SCN9A: variants seen among roughly 807,000 people sequenced by gnomAD.
SCN9A encodes sodium voltage-gated channel alpha subunit 9.
In SCN9A, 131 loss-of-function variants were observed where a neutral mutation model predicts 187.0. That is an observed-to-expected ratio of 0.70 (90% confidence interval 0.61 to 0.81). The LOEUF (loss-of-function observed/expected upper bound fraction) is 0.81. Among genes scored for constraint, SCN9A ranks in the 30% least tolerant of loss-of-function variants. The pLI is 0.00. For synonymous variants in SCN9A, 809 were observed against 808.6 expected, an observed-to-expected ratio of 1.00 and a Z score of -0.01; for missense variants, 2,252 against 2,396.6, an observed-to-expected ratio of 0.94 and a Z score of 1.26.
chr2:166,241,453 G>A (rs1331660790), intron 19 of SCN9A, among the ~76,000 whole-genome samples: 1 of 152,068 alleles, frequency 6.6e-6, no homozygotes, highest in Non-Finnish European at 1.5e-5. Context: ...CACACAAGAT[G>A]CTTCACAAGC....
At chr2:166,373,889 T>C (rs1028006035) in intron 1 of SCN9A, among the ~76,000 whole-genome samples, 1 of 152,222 alleles carries the variant, frequency 6.6e-6, no homozygotes, top group African/African-American at 2.4e-5. Flanking sequence ...AAATAGATTT[T>C]ATTATTCATG....
intron 17 of SCN9A, among the ~76,000 whole-genome samples, chr2:166,264,627 T>G (rs537319402): frequency 3.3e-5 from 5 of 151,994 alleles, no homozygotes; most frequent in Admixed American, 1.3e-4. Context: ...TGGAGTGTAT[T>G]TTTAACTGTC....
intron 17 of SCN9A, among the ~76,000 whole-genome samples, chr2:166,258,059 A>G (rs1006629996): frequency 2.0e-5 from 3 of 151,548 alleles, no homozygotes; most frequent in Non-Finnish European, 4.4e-5. Context: ...ATTGCACAAT[A>G]GATAACAATA....
In SCN9A at chr2:166,305,927, ACAAGATTC is replaced by A. The variant is rs780347157; in HGVS notation, c.468-15_468-8del. 56 of 1,612,512 alleles carry A rather than the reference ACAAGATTC, an allele frequency of 3.5e-5. No homozygotes were observed. In the East Asian group the frequency reaches 1.2e-3, roughly 35 times the overall value. On this transcript the variant is annotated splice_polypyrimidine_tract_variant and splice_region_variant and intron_variant, in intron 4 of 26. Transcript: ENST00000642356. Reference sequence around the variant, plus strand: ...TATTCCAGTAAAAGTGTACCTAAACACAAGATTCCATTGGGATACTAGATGTGAAAAGA... The same window carrying A: ...TATTCCAGTAAAAGTGTACCTAAACACATTGGGATACTAGATGTGAAAAGA...
intron 6 of SCN9A, among the ~76,000 whole-genome samples, chr2:166,303,670 A>G (rs1698656073): frequency 6.6e-6 from 1 of 152,190 alleles, no homozygotes; most frequent in African/African-American, 2.4e-5. Flanking sequence ...TTCAATAAAG[A>G]AATGGTTTGC....
In SCN9A at chr2:166,198,826, T is replaced by C. The variant is rs1180220617; in HGVS notation, c.5813A>G (p.Asn1938Ser). ...NKKDMAFDNV[N>S]ENSSPEKTDA... ...TGTTTTTTCTGGACTTGAGTTCTCA[T>C]TAACATTATCAAAAGCCATATCTTT... The change falls in exon 27 of 27, where the codon AAT (asparagine) becomes AGT (serine). Residue 1938 changes from asparagine to serine, a missense_variant. This residue lies in a region of SCN9A where 345 missense variants were observed against 344.6 expected (regional missense o/e 1.00). Coordinates refer to ENST00000642356, the MANE Select transcript of SCN9A (RefSeq NM_001365536.1). The C allele has an allele frequency of 1.2e-6, 2 of 1,613,486 alleles. No individual in the cohort carries two copies. Among genetic ancestry groups the C allele is most frequent in the South Asian group, 2.2e-5 (2 of 91,034 alleles).
At chr2:166,246,641 AG>A (rs1695802953) in intron 18 of SCN9A, among the ~76,000 whole-genome samples, 1 of 152,076 alleles carries the variant, frequency 6.6e-6, no homozygotes, top group Non-Finnish European at 1.5e-5. Flanking sequence ...ATCACATATA[AG>A]AAAGAATTTA....
intron 24 of SCN9A, among the ~76,000 whole-genome samples, chr2:166,222,383 A>G (rs1274651435): frequency 6.6e-6 from 1 of 152,200 alleles, no homozygotes; most frequent in Non-Finnish European, 1.5e-5. Context: ...TTATCCCAGC[A>G]CTTTGGGAGG....
At chr2:166,360,346 A>C (rs973372342) in intron 1 of SCN9A, among the ~76,000 whole-genome samples, 1 of 152,140 alleles carries the variant, frequency 6.6e-6, no homozygotes, top group African/African-American at 2.4e-5. Context: ...TTAATAAAAA[A>C]TTCATAAAGT....
chr2:166,348,522 C>G lies in SCN9A; in HGVS notation c.-51+27175G>C, dbSNP rs115274753. Among the ~76,000 whole-genome samples the G allele has an allele frequency of 8.4e-3, 1,284 of 152,242 alleles. 24 individuals are homozygous for G. The highest frequency in any genetic ancestry group is 0.029 in the African/African-American group (1,219 of 41,538). ...CTTTTATCTGTACTATCACAATGGT[C>G]TCCAAGTCTCTAGGTTTCCACTCTC... On this transcript the variant is annotated intron_variant, in intron 1 of 26. Transcript: ENST00000642356.
chr2:166,281,134 A>G (rs1452769010), intron 13 of SCN9A, among the ~76,000 whole-genome samples: 1 of 152,122 alleles, frequency 6.6e-6, no homozygotes, highest in African/African-American at 2.4e-5. Context: ...AGATGAGTAG[A>G]CACTTTGCCC....
In SCN9A at chr2:166,307,317, A is replaced by G. The variant is rs113911089; in HGVS notation, c.259-243T>C. 2.2e-3 allele frequency among the ~76,000 whole-genome samples: 331 copies of G among 152,344 alleles called. 2 individuals are homozygous for G. Among genetic ancestry groups the G allele is most frequent in the African/African-American group, 7.5e-3 (310 of 41,580 alleles). On this transcript the variant is annotated intron_variant, in intron 2 of 26. Transcript: ENST00000642356. ...CTATTTGTTAGCATGTATTGCTTAGAGCTTTCAAAATACTGTATTTCATAT... is the reference window on the plus strand; with the variant it reads ...CTATTTGTTAGCATGTATTGCTTAGGGCTTTCAAAATACTGTATTTCATAT...
chr2:166,211,638 C>CA (rs1694098780), intron 24 of SCN9A, among the ~76,000 whole-genome samples: 1 of 151,774 alleles, frequency 6.6e-6, no homozygotes, highest in South Asian at 2.1e-4. Context: ...TGTGACATAA[C>CA]AAAAAGTGTG....
In SCN9A at chr2:166,307,066, T is replaced by G. The variant is rs200809157; in HGVS notation, c.267A>C (p.Ile89=). The change falls in exon 3 of 27, where the codon ATA becomes ATC. Residue 89 remains isoleucine (I), a synonymous_variant. Transcript: ENST00000642356. ...AGATTGTTTTCCCTTTGTTCAATACTATGAAAGTCTGCAGGAGGAAAAAGA... is the reference window on the plus strand; with the variant it reads ...AGATTGTTTTCCCTTTGTTCAATACGATGAAAGTCTGCAGGAGGAAAAAGA... The part of the protein sequence containing the change: ...DPYYADKKTF[I]VLNKGKTIFR... 1.9e-6 allele frequency: 3 copies of G among 1,574,870 alleles called. No individual in the cohort carries two copies. The highest frequency in any genetic ancestry group is 1.7e-6 in the Non-Finnish European group (2 of 1,146,174).
chr2:166,231,644 C>T (rs1377580722), intron 21 of SCN9A, among the ~76,000 whole-genome samples: 3 of 150,702 alleles, frequency 2.0e-5, no homozygotes, highest in Admixed American at 1.3e-4. Context: ...CTCTGCCTCC[C>T]GGGTTCAAGC....
At chr2:166,373,125 T>C (rs2105333608) in intron 1 of SCN9A, among the ~76,000 whole-genome samples, 1 of 152,292 alleles carries the variant, frequency 6.6e-6, no homozygotes, top group African/African-American at 2.4e-5. Flanking sequence ...AAGAGTGCTA[T>C]TGTTTCATGT....
intron 9 of SCN9A, 50 bp downstream of exon 9, chr2:166,293,181 A>G: frequency 2.0e-6 from 3 of 1,516,636 alleles, no homozygotes; most frequent in East Asian, 2.4e-5. Flanking sequence ...AACATACACC[A>G]GGTACATATG....
intron 1 of SCN9A, among the ~76,000 whole-genome samples, chr2:166,339,276 G>T (rs1699707478): frequency 6.6e-6 from 1 of 151,972 alleles, no homozygotes; most frequent in Admixed American, 6.6e-5. Flanking sequence ...CAGGTAAGTT[G>T]GTCTTAACTT....
chr2:166,195,895 A>T lies in SCN9A; in HGVS notation c.*2777T>A, dbSNP rs1693231225. On this transcript the variant is annotated 3_prime_UTR_variant, in exon 27 of 27. Coordinates refer to ENST00000642356, the MANE Select transcript of SCN9A (RefSeq NM_001365536.1). ...AAGACCCCTTATCTACAAAAATTTA[A>T]ATATTAGCCAGGCATGGTGGCATGT... The T allele has an allele frequency of 6.6e-6, 1 of 152,094 alleles. No homozygotes were observed. Among genetic ancestry groups the T allele is most frequent in the Non-Finnish European group, 1.5e-5 (1 of 68,074 alleles). The allele number at this position is 152,094 out of a possible 1,614,324, so 9.4% of individuals were successfully genotyped here. A position where few individuals can be genotyped will look rare whatever the true frequency, so the allele number is the denominator to read the frequency against.
Sources: gnomAD v4.1 joint callset for allele counts (sites outside exome capture counted in the v4.1 genomes callset) on GRCh38, gnomAD v4.1.1 for gene constraint, gnomAD v4.1.1 regional missense constraint, MANE v1.5 for transcripts, NCBI Gene and HGNC (gene_info 2026-07-23, HGNC 2026-07-21) for gene names.